The following BLTP3A variants were observed in gnomAD, a reference collection of about 807,000 sequenced individuals.
The protein encoded by BLTP3A is ICBP90 binding protein 1.
chr6:34,867,725 A>G, the BLTP3A span: 2 of 1,373,636 alleles, frequency 1.5e-6, no homozygotes, highest in Non-Finnish European at 1.9e-6. Flanking sequence ...ACTAGTGCCA[A>G]GTTCTCTCCA....
At chr6:34,858,667 TCC>T in the BLTP3A span, 2 of 1,614,154 alleles carry the variant, frequency 1.2e-6, no homozygotes, top group Non-Finnish European at 1.7e-6. Context: ...TGACTCTATG[TCC>T]CATCCGCGGT....
At chr6:34,841,836 C>T in the BLTP3A span, among the ~76,000 whole-genome samples, 1 of 152,296 alleles carries the variant, frequency 6.6e-6, no homozygotes, top group East Asian at 1.9e-4. Context: ...GCTCACATTT[C>T]AGTCTTCTGA....
At chr6:34,857,031 C>T in the BLTP3A span, 1 of 1,412,824 alleles carries the variant, frequency 7.1e-7, no homozygotes, top group South Asian at 1.4e-5. Flanking sequence ...GACTATTTAC[C>T]TCACTTCTGG....
At chr6:34,856,988 T>C in the BLTP3A span, 3 of 1,583,518 alleles carry the variant, frequency 1.9e-6, no homozygotes, top group Admixed American at 3.6e-5. Flanking sequence ...GGAAGGCAGC[T>C]GGAACAGTAT....
the BLTP3A span, among the ~76,000 whole-genome samples, chr6:34,818,416 C>T: frequency 1.7e-4 from 26 of 151,914 alleles, 2 homozygotes; most frequent in South Asian, 5.4e-3. Context: ...CTGCAGTGAG[C>T]CATGATGGTA....
the BLTP3A span, chr6:34,858,183 C>A: frequency 6.2e-7 from 1 of 1,614,166 alleles, no homozygotes; most frequent in Non-Finnish European, 8.5e-7. Flanking sequence ...AGGCCCTTGT[C>A]TTCTCTGCGT....
the BLTP3A span, among the ~76,000 whole-genome samples, chr6:34,826,986 G>A: frequency 6.6e-4 from 100 of 152,248 alleles, no homozygotes; most frequent in African/African-American, 2.3e-3. Flanking sequence ...GGCCTTTTCA[G>A]TGTCCAATGC....
chr6:34,834,982 G>T, the BLTP3A span: 1 of 1,274,390 alleles, frequency 7.8e-7, no homozygotes, highest in Non-Finnish European at 1.1e-6. Flanking sequence ...GAAGGGGGAA[G>T]GCCTGTAAAT....
chr6:34,836,205 G>C, the BLTP3A span: 1 of 1,614,194 alleles, frequency 6.2e-7, no homozygotes, highest in Non-Finnish European at 8.5e-7. Flanking sequence ...CAGGCATTTG[G>C]TGGCAGCCAG....
At chr6:34,818,606 A>G in the BLTP3A span, among the ~76,000 whole-genome samples, 3 of 152,328 alleles carry the variant, frequency 2.0e-5, no homozygotes, top group South Asian at 6.2e-4. Flanking sequence ...GAGTAGCGTA[A>G]TGAAAAGCCA....
the BLTP3A span, chr6:34,864,112 G>A: frequency 5.0e-6 from 8 of 1,614,118 alleles, no homozygotes; most frequent in African/African-American, 1.3e-5. Flanking sequence ...TCATTTGATG[G>A]TGTCTCATTG....
chr6:34,850,982 A>G, the BLTP3A span, among the ~76,000 whole-genome samples: 8 of 152,246 alleles, frequency 5.3e-5, no homozygotes, highest in South Asian at 1.0e-3. Flanking sequence ...GGCAAGAGCC[A>G]CTGCGCCCAG....
At chr6:34,858,334 C>G in the BLTP3A span, 1 of 1,614,156 alleles carries the variant, frequency 6.2e-7, no homozygotes, top group East Asian at 2.2e-5. Flanking sequence ...TGGCTTTAGC[C>G]TTCTGCACAT....
the BLTP3A span, among the ~76,000 whole-genome samples, chr6:34,797,968 G>T: frequency 2.0e-5 from 3 of 152,150 alleles, no homozygotes; most frequent in South Asian, 6.2e-4. Flanking sequence ...CCCATCTATT[G>T]AGTGTTTCAA....
At chr6:34,821,514 C>A in the BLTP3A span, 1 of 803,220 alleles carries the variant, frequency 1.2e-6, no homozygotes, top group Non-Finnish European at 1.9e-6. Flanking sequence ...TGTTCCTTCA[C>A]TCCCACTGCT....
chr6:34,814,928 T>G, the BLTP3A span, among the ~76,000 whole-genome samples: 2 of 152,172 alleles, frequency 1.3e-5, no homozygotes, highest in Non-Finnish European at 2.9e-5. Context: ...AGGTGTGTTT[T>G]GGGGGAACTT....
the BLTP3A span, chr6:34,872,019 G>A: frequency 1.1e-4 from 134 of 1,236,890 alleles, no homozygotes; most frequent in Non-Finnish European, 1.4e-4. Context: ...AAAAGGTTGC[G>A]TGTGCTGCCT....
At chr6:34,841,573 A>G in the BLTP3A span, among the ~76,000 whole-genome samples, 1 of 152,224 alleles carries the variant, frequency 6.6e-6, no homozygotes, top group Non-Finnish European at 1.5e-5. Flanking sequence ...GAACACTTCC[A>G]TCATCACAGA....
the BLTP3A span, among the ~76,000 whole-genome samples, chr6:34,818,944 A>G: frequency 6.6e-6 from 1 of 152,224 alleles, no homozygotes; most frequent in African/African-American, 2.4e-5. Context: ...GTTTAGTAAA[A>G]GGAAAAGATA....
Sources: allele counts gnomAD v4.1 joint callset (sites outside exome capture counted in the v4.1 genomes callset), GRCh38; gene constraint gnomAD v4.1.1; transcripts MANE v1.5; gene names NCBI Gene and HGNC (gene_info 2026-07-23, HGNC 2026-07-21).